RGS6: variants seen among roughly 807,000 people sequenced by gnomAD.
The protein encoded by RGS6 is regulator of G-protein signaling 6.
A neutral mutation model predicts 78.5 loss-of-function variants in RGS6; 30 were observed. The observed-to-expected ratio is 0.38, with a 90% CI of 0.29 to 0.52. The LOEUF is 0.52. RGS6 is among the 20% of genes least tolerant of loss of function. The pLI, the probability that RGS6 is intolerant of heterozygous loss-of-function variation, is 0.85. For missense variants in RGS6, 495 were observed against 609.7 expected (o/e 0.81, Z 1.98); for synonymous variants, 206 against 206.0 (o/e 1.00, Z 0.00).
intron 2 of RGS6, among the ~76,000 whole-genome samples, chr14:72,153,015 C>G (rs1393229056): frequency 1.3e-5 from 2 of 152,172 alleles, no homozygotes; most frequent in African/African-American, 4.8e-5. Flanking sequence ...CTCCTCCCCA[C>G]TGCAAATGGC....
chr14:72,221,457 T>G (rs2046849835), intron 2 of RGS6, among the ~76,000 whole-genome samples: 1 of 152,210 alleles, frequency 6.6e-6, no homozygotes, highest in South Asian at 2.1e-4. Flanking sequence ...TCTTCCTTCT[T>G]CTGCATTCTT....
chr14:72,627,714 G>A, the RGS6 span, among the ~76,000 whole-genome samples: 1 of 152,038 alleles, frequency 6.6e-6, no homozygotes, highest in Non-Finnish European at 1.5e-5. Context: ...TATTGGACCT[G>A]AGATAAATTT....
chr14:72,416,689 A>G (rs181435652), intron 3 of RGS6, among the ~76,000 whole-genome samples: 42 of 152,290 alleles, frequency 2.8e-4, no homozygotes, highest in Admixed American at 2.5e-3. Context: ...CCCATTGCAA[A>G]CAAGGAAATG....
At chr14:72,547,313 A>ACCAC in intron 17 of RGS6, 1 of 1,535,682 alleles carries the variant, frequency 6.5e-7, no homozygotes. Context: ...TCCAGACTGG[A>ACCAC]AAGTTCAAAG....
At chr14:72,270,831 C>T (rs564502723) in intron 2 of RGS6, among the ~76,000 whole-genome samples, 14 of 152,234 alleles carry the variant, frequency 9.2e-5, no homozygotes, top group Admixed American at 3.3e-4. Flanking sequence ...TTGAATGCAC[C>T]GAAAGTTAAG....
chr14:72,161,316 A>G (rs1441960375), intron 2 of RGS6, among the ~76,000 whole-genome samples: 1 of 152,174 alleles, frequency 6.6e-6, no homozygotes, highest in Non-Finnish European at 1.5e-5. Context: ...CCAAACCACC[A>G]TGGCACGTGT....
chr14:72,070,950 A>G (rs562515960), intron 2 of RGS6, among the ~76,000 whole-genome samples: 1 of 152,358 alleles, frequency 6.6e-6, no homozygotes, highest in South Asian at 2.1e-4. Flanking sequence ...GTTACAACTC[A>G]TTGATGCATT....
At chr14:72,510,314 G>T (rs1278941943) in intron 14 of RGS6, 35 bp downstream of exon 14, 1 of 1,613,466 alleles carries the variant, frequency 6.2e-7, no homozygotes, top group South Asian at 1.1e-5. Context: ...TGTGCGGAAT[G>T]TGTGTGAAGA....
At chr14:71,984,812 A>G (rs2094620804) in intron 2 of RGS6, among the ~76,000 whole-genome samples, 1 of 152,212 alleles carries the variant, frequency 6.6e-6, no homozygotes, top group South Asian at 2.1e-4. Flanking sequence ...GGTAAAGCTG[A>G]GCCTTCTGCC....
chr14:72,390,605 TA>T (rs1367676610), intron 3 of RGS6, among the ~76,000 whole-genome samples: 24 of 152,180 alleles, frequency 1.6e-4, no homozygotes, highest in Non-Finnish European at 4.4e-5. Context: ...ACACAAATGT[TA>T]TCCTCAGATT....
chr14:72,219,062 A>G (rs2046267199), intron 2 of RGS6, among the ~76,000 whole-genome samples: 3 of 151,852 alleles, frequency 2.0e-5, no homozygotes, highest in Non-Finnish European at 1.5e-5. Context: ...AAAGTGCATT[A>G]TGGAGAAAGT....
chr14:71,939,355 C>G (rs1226785660), intron 1 of RGS6, among the ~76,000 whole-genome samples: 1 of 152,202 alleles, frequency 6.6e-6, no homozygotes, highest in Non-Finnish European at 1.5e-5. Flanking sequence ...AATGTCTCAC[C>G]AGTAAGTCCA....
At chr14:72,489,362 C>T (rs1052462902) in intron 12 of RGS6, among the ~76,000 whole-genome samples, 1 of 152,128 alleles carries the variant, frequency 6.6e-6, no homozygotes, top group African/African-American at 2.4e-5. Context: ...GACAGGTAGC[C>T]CAGTGTTCTC....
the RGS6 span, among the ~76,000 whole-genome samples, chr14:72,604,699 G>A: frequency 5.3e-5 from 8 of 152,284 alleles, no homozygotes. Flanking sequence ...CTGGGTGCTG[G>A]TACGACCCTC....
intron 2 of RGS6, among the ~76,000 whole-genome samples, chr14:72,220,436 T>C (rs1342061666): frequency 1.3e-5 from 2 of 152,222 alleles, no homozygotes. Flanking sequence ...GCTGGAAATA[T>C]TTGTACCTAA....
At chr14:72,555,060 C>T (rs151311866) in intron 17 of RGS6, among the ~76,000 whole-genome samples, 52 of 152,326 alleles carry the variant, frequency 3.4e-4, no homozygotes, top group African/African-American at 1.1e-3. Flanking sequence ...GGGAGGGCTT[C>T]CTCCACCTGG....
At position 72,136,027 on chromosome 14, in the gene RGS6, T is replaced by C. The variant is rs147519142; in HGVS notation, c.84+171152T>C. The stretch of plus-strand genomic sequence containing the variant: ...GCTTCAGATTGAATGCAAGGAAATT[T>C]GTTGCACCATTTGCCTGACAGTTAT... On this transcript the variant is annotated intron_variant, in intron 2 of 17. Transcript: ENST00000553525. 5.4e-4 allele frequency among the ~76,000 whole-genome samples: 83 copies of C among 152,312 alleles called. 1 individual carries two copies. In the East Asian group the frequency reaches 0.016, roughly 29 times the overall value.
At chr14:71,879,213 C>T in the RGS6 span, among the ~76,000 whole-genome samples, 3 of 152,128 alleles carry the variant, frequency 2.0e-5, no homozygotes, top group Non-Finnish European at 4.4e-5. Flanking sequence ...TCTTTGAAAG[C>T]ACAAAATGAA....
At chr14:72,439,653 A>G (rs2095100915) in intron 3 of RGS6, among the ~76,000 whole-genome samples, 1 of 152,070 alleles carries the variant, frequency 6.6e-6, no homozygotes. Context: ...GCCACTCTCC[A>G]CCCTTCTTAC....
Sources: allele counts gnomAD v4.1 joint callset (sites outside exome capture counted in the v4.1 genomes callset), GRCh38; gene constraint gnomAD v4.1.1; transcripts MANE v1.5; gene names NCBI Gene and HGNC (gene_info 2026-07-23, HGNC 2026-07-21).